XPO5: variants seen among roughly 807,000 people sequenced by gnomAD.
The protein encoded by XPO5 is exportin-5.
Under a neutral mutation model 160.6 loss-of-function variants are expected in XPO5, and 46 were observed. The observed-to-expected ratio is 0.29, with a 90% confidence interval of 0.23 to 0.37. XPO5 has a LOEUF of 0.37. Ranked by LOEUF, XPO5 falls within the 10% of genes least tolerant of loss-of-function variation. The probability of loss-of-function intolerance (pLI) is 1.00; values close to 1 mark genes in which losing one functional copy is unlikely to be tolerated. For missense variants in XPO5, 1,090 were observed against 1,463.9 expected (o/e 0.74, Z 4.17); for synonymous variants, 537 against 519.3 (o/e 1.03, Z -0.46).
chr6:43,522,533 A>T lies in XPO5; in HGVS notation c.*1335T>A. 4.1e-6 allele frequency: 1 copy of T among 245,068 alleles called. No individual in the cohort carries two copies. Among genetic ancestry groups the T allele is most frequent in the Non-Finnish European group, 9.2e-6 (1 of 109,140 alleles). The allele number at this position is 245,068 out of a possible 1,614,324, so 15.2% of individuals were successfully genotyped here. On this transcript the variant is annotated 3_prime_UTR_variant, in exon 32 of 32. Transcript: ENST00000265351. ...AGGCAGCTATCAGGTTTGGAGGGAA[A>T]CACTCTTGAGATCGCCTTCACGATC...
chr6:43,562,343 A>T lies in XPO5; in HGVS notation c.915T>A (p.Thr305=). The T allele has an allele frequency of 6.2e-7, 1 of 1,604,372 alleles. No homozygotes were observed. Among genetic ancestry groups the T allele is most frequent in the Non-Finnish European group, 8.5e-7 (1 of 1,175,168 alleles). ...AMHYILSAAQ[T]ADGGGLVEKH... Reference sequence around the variant, plus strand: ...TTTCTACCAAACCTCCTCCATCAGCAGTCCTGTAAGATGAGAATTCCTTAT... The same window carrying T: ...TTTCTACCAAACCTCCTCCATCAGCTGTCCTGTAAGATGAGAATTCCTTAT... Residue 305 remains threonine, a synonymous_variant, in exon 9 of 32, where the codon ACT becomes ACA. Transcript: ENST00000265351.
chr6:43,568,698 A>G lies in XPO5; in HGVS notation c.648+13T>C, dbSNP rs1342904239. On this transcript the variant is annotated intron_variant, in intron 6 of 31. Transcript: ENST00000265351. ...TTCAAAGGTCTCCTTCAAACTTTATAAAGAGCTCTTACCTTTGACTCCTGA... is the reference window on the plus strand; with the variant it reads ...TTCAAAGGTCTCCTTCAAACTTTATGAAGAGCTCTTACCTTTGACTCCTGA... 1.9e-6 allele frequency: 3 copies of G among 1,575,390 alleles called. No homozygotes were observed. Among genetic ancestry groups the G allele is most frequent in the East Asian group, 2.3e-5 (1 of 43,450 alleles).
In XPO5 at chr6:43,567,341, C is replaced by T. The variant is rs900737634; in HGVS notation, c.662G>A (p.Cys221Tyr). The change falls in exon 7 of 32, where the codon TGT becomes TAT. Residue 221 changes from cysteine to tyrosine, a missense_variant. By Grantham distance (194) the Cys-to-Tyr change is radical. This residue lies in a region of XPO5 where 110 missense variants were observed against 97.9 expected (regional missense o/e 1.12). Transcript: ENST00000265351. The stretch of plus-strand genomic sequence containing the variant: ...ATTCAGTGCTGCAACTCCTACTCGA[C>T]AGTTTGCTTGCGCCTACCAGAAAAG... ...TSQESKAQAN[C>Y]RVGVAALNTL... 1.9e-6 allele frequency: 3 copies of T among 1,605,986 alleles called. No individual in the cohort carries two copies. Among genetic ancestry groups the T allele is most frequent in the African/African-American group, 2.7e-5 (2 of 74,662 alleles).
chr6:43,570,985 T>C lies in XPO5; in HGVS notation c.310A>G (p.Asn104Asp). 1 of 1,609,496 alleles carries C rather than the reference T, an allele frequency of 6.2e-7. No homozygotes were observed. The highest frequency in any genetic ancestry group is 8.5e-7 in the Non-Finnish European group (1 of 1,178,694). Residue 104 changes from asparagine to aspartate, a missense_variant, in exon 4 of 32, where the codon AAC becomes GAC. By Grantham distance (23) the Asn-to-Asp change is conservative. Transcript: ENST00000265351. Reference protein sequence around the residue: ...VMELIANGTLNILEEENHIKD... With the variant: ...VMELIANGTLDILEEENHIKD... ...ATATGGTTCTCCTCTTCCAAAATGT[T>C]CAATGTTCCCTGAAAAAGAACAAGA...
chr6:43,531,671 G>T, intron 21 of XPO5, 96 bp from the exon 22 acceptor site: 2 of 1,048,018 alleles, frequency 1.9e-6, no homozygotes, highest in Non-Finnish European at 3.0e-6. Context: ...CAGGGGTGAA[G>T]ATGTGTGCAT....
At chr6:43,528,667 C>A (rs1334044768) in intron 24 of XPO5, among the ~76,000 whole-genome samples, 161 bp downstream of exon 24, 2 of 152,104 alleles carry the variant, frequency 1.3e-5, no homozygotes. Flanking sequence ...GGGGGCTGCT[C>A]GATCCTACAG....
intron 14 of XPO5, among the ~76,000 whole-genome samples, chr6:43,552,954 T>C (rs1456026625): frequency 1.3e-5 from 2 of 152,162 alleles, no homozygotes; most frequent in South Asian, 2.1e-4. Flanking sequence ...TTGAGTATGC[T>C]ATTTAGCCTC....
At chr6:43,574,612 A>G (rs111782750) in intron 1 of XPO5, among the ~76,000 whole-genome samples, 2 of 152,120 alleles carry the variant, frequency 1.3e-5, no homozygotes, top group Non-Finnish European at 2.9e-5. Flanking sequence ...ACACAAAGGA[A>G]TAAGAAATTA....
At position 43,525,188 on chromosome 6, in the gene XPO5, T is replaced by G. The variant is rs1000553470; in HGVS notation, c.3093A>C (p.Thr1031=). Residue 1031 remains threonine (T), a synonymous_variant, in exon 29 of 32, where the codon ACA becomes ACC. Coordinates refer to ENST00000265351, the MANE Select transcript of XPO5 (RefSeq NM_020750.3). The part of the protein sequence containing the change: ...HEDVCTALLI[T]AFNSLAWKDT... ...CTTTCCAGGCCAGGGAATTGAAGGC[T>G]GTAATTAATAGCGCTGTACAAACAT... 43 of 1,581,846 alleles carry G rather than the reference T, an allele frequency of 2.7e-5. No individual in the cohort carries two copies. In the Admixed American group the frequency reaches 6.0e-4, roughly 22 times the overall value.
At chr6:43,572,171 G>C (rs1453100188) in intron 3 of XPO5, among the ~76,000 whole-genome samples, 1 of 152,178 alleles carries the variant, frequency 6.6e-6, no homozygotes, top group Non-Finnish European at 1.5e-5. Flanking sequence ...TGGACCTCCT[G>C]GGCTCAGAAA....
intron 20 of XPO5, among the ~76,000 whole-genome samples, chr6:43,540,250 C>T (rs1050579461): frequency 2.0e-5 from 3 of 152,122 alleles, no homozygotes; most frequent in South Asian, 2.1e-4. Context: ...TTAGCCAGGC[C>T]GGGCGGATCA....
intron 19 of XPO5, 52 bp downstream of exon 19, chr6:43,547,556 C>T (rs1582221669): frequency 6.5e-7 from 1 of 1,549,966 alleles, no homozygotes; most frequent in Non-Finnish European, 8.9e-7. Context: ...AAAGACAACA[C>T]CCTACTCCTA....
At chr6:43,561,537 C>G (rs1270245515) in intron 9 of XPO5, 1 of 153,274 alleles carries the variant, frequency 6.5e-6, no homozygotes, top group Non-Finnish European at 1.5e-5. Flanking sequence ...CACCACCACG[C>G]CTGGCTAATT....
At chr6:43,539,223 A>G in intron 20 of XPO5, 1 of 1,202,846 alleles carries the variant, frequency 8.3e-7, no homozygotes, top group Admixed American at 1.8e-5. Flanking sequence ...GGGACAATGG[A>G]GAGCTTGGCC....
chr6:43,576,021 G>A lies in XPO5; in HGVS notation c.-157C>T, dbSNP rs9333499. ...CGTTAGCAGCAACTCGCGCTGGGAA[G>A]AAGCCGGCGCTGCGCACGCGCCCGG... On this transcript the variant is annotated 5_prime_UTR_variant, in exon 1 of 32. Coordinates refer to ENST00000265351, the MANE Select transcript of XPO5 (RefSeq NM_020750.3). 3.4e-4 allele frequency: 213 copies of A among 623,022 alleles called. No individual in the cohort carries two copies. The African/African-American group carries it at 3.9e-3, about 11-fold the overall frequency. 38.6% of individuals were successfully genotyped at this position (623,022 alleles called of 1,614,324 possible).
intron 20 of XPO5, chr6:43,539,447 A>C: frequency 6.4e-7 from 1 of 1,569,942 alleles, no homozygotes; most frequent in Non-Finnish European, 8.6e-7. Flanking sequence ...CTTAATGGGC[A>C]GGGAGAAGAG....
intron 20 of XPO5, among the ~76,000 whole-genome samples, chr6:43,534,922 G>C (rs1450845876): frequency 1.3e-5 from 2 of 151,882 alleles, no homozygotes; most frequent in African/African-American, 2.4e-5. Flanking sequence ...TTGAACTTGC[G>C]AGGCAGAGGT....
rs1028425578 is a variant in XPO5 at position 43,558,503 on chromosome 6, T to C, written c.1310A>G (p.Asn437Ser). 6 of 1,597,128 alleles carry C rather than the reference T, an allele frequency of 3.8e-6. No homozygotes were observed. The highest frequency in any genetic ancestry group is 1.3e-5 in the African/African-American group (1 of 74,570). ...AATCCAAGGCCAACATCACTTACAGTTGAAGAAAGCATTGAAGTCCTCATC... is the reference window on the plus strand; with the variant it reads ...AATCCAAGGCCAACATCACTTACAGCTGAAGAAAGCATTGAAGTCCTCATC... ...DSDEDFNAFF[N>S]SSRAQQGEVM... is the part of the protein sequence containing the mutation. The change falls in exon 12 of 32, where the codon AAC becomes AGC. Residue 437 changes from asparagine (N) to serine (S), a missense_variant and splice_region_variant. Asn to Ser is a conservative substitution (Grantham distance 46). Transcript: ENST00000265351.
chr6:43,575,639 T>C (rs1235722267), intron 1 of XPO5, 121 bp downstream of exon 1: 3 of 803,562 alleles, frequency 3.7e-6, no homozygotes, highest in Non-Finnish European at 3.9e-6. Flanking sequence ...TCCCGGGGAG[T>C]TGGGAAAGGA....
Sources: allele counts gnomAD v4.1 joint callset (sites outside exome capture counted in the v4.1 genomes callset), GRCh38; gene constraint gnomAD v4.1.1; regional missense constraint gnomAD v4.1.1; transcripts MANE v1.5; gene names NCBI Gene and HGNC (gene_info 2026-07-23, HGNC 2026-07-21).